Variants in DHX36 observed in about 807,000 individuals in gnomAD.
The protein encoded by DHX36 is DEAH-box helicase 36.
DHX36 carries 50 observed loss-of-function variants against 139.0 expected under a neutral mutation model. The ratio of observed to expected loss-of-function variants is 0.36; its 90% CI spans 0.29 to 0.46. DHX36 has a LOEUF of 0.46. DHX36 is among the 20% of genes least tolerant of loss of function. The pLI, the probability that DHX36 is intolerant of heterozygous loss-of-function variation, is 1.00. For missense variants in DHX36, 1,024 were observed against 1,211.3 expected, an observed-to-expected ratio of 0.85 and a Z score of 2.29; for synonymous variants, 425 against 401.9, an observed-to-expected ratio of 1.06 and a Z score of -0.69.
chr3:154,315,067 G>C lies in DHX36; in HGVS notation c.582C>G (p.Asp194Glu), dbSNP rs61757215. Residue 194 changes from aspartate (D) to glutamate (E), a missense_variant, in exon 3 of 25, where the codon GAC (aspartate) becomes GAG (glutamate). Physicochemically the swap from Asp to Glu is conservative, Grantham distance 45. Coordinates refer to ENST00000496811, the MANE Select transcript of DHX36 (RefSeq NM_020865.3). Reference protein sequence around the residue: ...LLEDLQKKKNDLRYIEMQHFR... With the variant: ...LLEDLQKKKNELRYIEMQHFR... ...CTACCTGCATTTCAATATACCGAAGGTCATTTTTTTTCTTTTGTAAATCTT... is the reference window on the plus strand; with the variant it reads ...CTACCTGCATTTCAATATACCGAAGCTCATTTTTTTTCTTTTGTAAATCTT... 1.1e-5 allele frequency: 17 copies of C among 1,604,628 alleles called. No individual in the cohort carries two copies. The Admixed American group carries it at 2.2e-4, about 21-fold the overall frequency.
rs749923311 is a variant in DHX36, at chr3:154,295,352, G to A, written c.1550-13C>T. ...ATTAAAAATTTATCTGAAAATTAAA[G>A]AGAATTAAATTTTAAGATAAAGAGT... is the stretch of plus-strand genomic sequence containing the variant. On this transcript the variant is annotated splice_polypyrimidine_tract_variant and intron_variant, in intron 12 of 24. Coordinates refer to ENST00000496811, the MANE Select transcript of DHX36 (RefSeq NM_020865.3). The A allele has an allele frequency of 1.4e-6, 2 of 1,409,638 alleles. No individual in the cohort carries two copies. Among genetic ancestry groups the A allele is most frequent in the African/African-American group, 1.5e-5 (1 of 68,254 alleles). 87.3% of individuals were successfully genotyped at this position (1,409,638 alleles called of 1,614,324 possible).
chr3:154,301,664 G>A (rs1712286473), intron 9 of DHX36, among the ~76,000 whole-genome samples: 1 of 152,138 alleles, frequency 6.6e-6, no homozygotes, highest in South Asian at 2.1e-4. Flanking sequence ...TCACACAGTT[G>A]TAGTTAATGG....
Position 154,324,464 on chromosome 3 carries a change from G to C in DHX36, c.-48C>G. On this transcript the variant is annotated 5_prime_UTR_variant, in exon 1 of 25. Transcript: ENST00000496811. The stretch of plus-strand genomic sequence containing the variant: ...TCAGAACCAGCAACCGCTGGAAATG[G>C]CGTCCGGGCCCGGAAGCCACTGTGC... 1 of 1,440,770 alleles carries C rather than the reference G, an allele frequency of 6.9e-7. No homozygotes were observed. The highest frequency in any genetic ancestry group is 9.1e-7 in the Non-Finnish European group (1 of 1,100,622). The allele number at this position is 1,440,770 out of a possible 1,614,324, so 89.2% of individuals were successfully genotyped here. A position where few individuals can be genotyped will look rare whatever the true frequency, so the allele number is the denominator to read the frequency against.
At chr3:154,303,913 T>C (rs1249264362) in intron 8 of DHX36, among the ~76,000 whole-genome samples, 3 of 152,220 alleles carry the variant, frequency 2.0e-5, no homozygotes, top group Non-Finnish European at 4.4e-5. Context: ...ATTTAAATGC[T>C]CTTTACATTT....
intron 3 of DHX36, among the ~76,000 whole-genome samples, chr3:154,312,882 T>C (rs1303559419): frequency 3.6e-5 from 4 of 110,678 alleles, no homozygotes; most frequent in African/African-American, 1.6e-4. Context: ...TATATATATA[T>C]ATATATATAT....
In DHX36 at chr3:154,309,652, C is replaced by T; in HGVS notation, c.813+1G>A. 6.3e-7 allele frequency: 1 copy of T among 1,595,778 alleles called. No homozygotes were observed. The highest frequency in any genetic ancestry group is 8.5e-7 in the Non-Finnish European group (1 of 1,174,182). ...TTTTAATAAGTTAAGAGATTACTTA[C>T]TGAAATGGCACTAATTCTTCTTGGC... On this transcript the variant is annotated splice_donor_variant, in intron 5 of 24. Coordinates refer to ENST00000496811, the MANE Select transcript of DHX36 (RefSeq NM_020865.3). LOFTEE classifies it high-confidence loss of function.
At chr3:154,298,775 C>T (rs1449637862) in intron 12 of DHX36, among the ~76,000 whole-genome samples, 8 of 151,884 alleles carry the variant, frequency 5.3e-5, no homozygotes, top group Non-Finnish European at 7.4e-5. Flanking sequence ...ATTAGGCGGG[C>T]GTGGTGGCAG....
At chr3:154,285,574 G>A (rs555380029) in intron 17 of DHX36, among the ~76,000 whole-genome samples, 127 of 152,264 alleles carry the variant, frequency 8.3e-4, no homozygotes, top group African/African-American at 2.7e-3. Flanking sequence ...GGTGAGTGCA[G>A]AGGTTGGGGC....
intron 3 of DHX36, among the ~76,000 whole-genome samples, chr3:154,312,477 T>C (rs2108362175): frequency 6.6e-6 from 1 of 152,092 alleles, no homozygotes; most frequent in Middle Eastern, 3.4e-3. Context: ...TTCAACTAGG[T>C]ACATATAATG....
At chr3:154,304,329 G>A (rs947272666) in intron 8 of DHX36, among the ~76,000 whole-genome samples, 1 of 152,154 alleles carries the variant, frequency 6.6e-6, no homozygotes, top group Non-Finnish European at 1.5e-5. Context: ...TAACTGCTCT[G>A]AGGCTGCTTT....
chr3:154,306,843 T>C (rs1322413682), intron 5 of DHX36, among the ~76,000 whole-genome samples: 4 of 152,044 alleles, frequency 2.6e-5, no homozygotes, highest in East Asian at 1.9e-4. Flanking sequence ...GTATTAGAAA[T>C]AGAAAATGGC....
Position 154,304,894 on chromosome 3 carries a change from A to C in DHX36, c.1047T>G (p.Val349=). The C allele has an allele frequency of 6.2e-7, 1 of 1,612,892 alleles. No individual in the cohort carries two copies. The change falls in exon 8 of 25, where the codon GTT becomes GTG. Residue 349 remains valine (V), a synonymous_variant. Coordinates refer to ENST00000496811, the MANE Select transcript of DHX36 (RefSeq NM_020865.3). ...RNLQSDVLMT[V]VKDLLNFRSD... is the part of the protein sequence containing the mutation. ...ATCGAAAATTGAGAAGGTCTTTAACAACAGTCATTAAAACATCTGACTGCA... is the reference window on the plus strand; with the variant it reads ...ATCGAAAATTGAGAAGGTCTTTAACCACAGTCATTAAAACATCTGACTGCA...
At chr3:154,305,957 C>T (rs892409476) in intron 6 of DHX36, among the ~76,000 whole-genome samples, 1 of 152,078 alleles carries the variant, frequency 6.6e-6, no homozygotes, top group African/African-American at 2.4e-5. Flanking sequence ...TAATGGTCTA[C>T]TAATCTATGT....
At position 154,303,408 on chromosome 3, in the gene DHX36, T is replaced by C; in HGVS notation, c.1138A>G (p.Asn380Asp). 6.3e-7 allele frequency: 1 copy of C among 1,597,438 alleles called. No individual in the cohort carries two copies. Among genetic ancestry groups the C allele is most frequent in the South Asian group, 1.2e-5 (1 of 86,364 alleles). ...CCAGGTATATGTATCATTGGACAGT[T>C]ACCTATTACGGCAGACAAAATATAA... The part of the protein sequence containing the change: ...NAEKFSEYFG[N>D]CPMIHIPGFT... Residue 380 changes from asparagine to aspartate, a missense_variant and splice_region_variant, in exon 9 of 25, where the codon AAC becomes GAC. By Grantham distance (23) the Asn-to-Asp change is conservative (BLOSUM62 1). This residue lies in a region of DHX36 where 146 missense variants were observed against 215.0 expected (regional missense o/e 0.68). Coordinates refer to ENST00000496811, the MANE Select transcript of DHX36 (RefSeq NM_020865.3).
At chr3:154,280,501 TA>T in intron 22 of DHX36, 77 bp downstream of exon 22, 1 of 1,013,394 alleles carries the variant, frequency 9.9e-7, no homozygotes, top group Non-Finnish European at 1.5e-6. Flanking sequence ...ATTTATAATA[TA>T]AGCCTTGTTA....
chr3:154,275,435 T>C lies in DHX36; in HGVS notation c.*736A>G, dbSNP rs916929448. 1.4e-5 allele frequency: 2 copies of C among 145,994 alleles called. No individual in the cohort carries two copies. Among genetic ancestry groups the C allele is most frequent in the Non-Finnish European group, 3.0e-5 (2 of 67,048 alleles). 9.0% of individuals were successfully genotyped at this position (145,994 alleles called of 1,614,324 possible). ...AATCCACAGATGTGGAATGCATGGA[T>C]ATGAAGGGCCAACTGTATCTTACAA... On this transcript the variant is annotated 3_prime_UTR_variant, in exon 25 of 25. Coordinates refer to ENST00000496811, the MANE Select transcript of DHX36 (RefSeq NM_020865.3).
intron 5 of DHX36, among the ~76,000 whole-genome samples, chr3:154,307,021 A>T (rs1203431332): frequency 1.3e-5 from 2 of 152,164 alleles, no homozygotes; most frequent in Non-Finnish European, 2.9e-5. Context: ...ATATACAGTA[A>T]CTGCTATATA....
chr3:154,290,896 AG>A (rs1711773298), intron 15 of DHX36, among the ~76,000 whole-genome samples: 1 of 151,388 alleles, frequency 6.6e-6, no homozygotes, highest in African/African-American at 2.4e-5. Flanking sequence ...GCACTTTGGG[AG>A]GCCGAGGCGG....
chr3:154,287,875 T>A (rs1256587481), intron 17 of DHX36, among the ~76,000 whole-genome samples: 1 of 151,882 alleles, frequency 6.6e-6, no homozygotes, highest in Admixed American at 6.6e-5. Flanking sequence ...TCAATGACAG[T>A]CATAGAAATG....
Sources: gnomAD v4.1 joint callset for allele counts (sites outside exome capture counted in the v4.1 genomes callset) on GRCh38, gnomAD v4.1.1 for gene constraint, gnomAD v4.1.1 regional missense constraint, MANE v1.5 for transcripts, NCBI Gene and HGNC (gene_info 2026-07-23, HGNC 2026-07-21) for gene names.